Variants in ODF2L observed in about 807,000 individuals in gnomAD.
The protein encoded by ODF2L is outer dense fiber of sperm tails 2 like.
A neutral mutation model predicts 86.3 loss-of-function variants in ODF2L; 76 were observed. The ratio of observed to expected loss-of-function variants is 0.88; its 90% CI spans 0.73 to 1.07. The LOEUF (loss-of-function observed/expected upper bound fraction) is 1.07, where lower values mean the gene tolerates loss of function less well. ODF2L is among the 50% of genes least tolerant of loss of function. ODF2L has a pLI of 0.00. For synonymous variants in ODF2L, 241 were observed against 231.3 expected (o/e 1.04, Z -0.38); for missense variants, 748 against 717.4 (o/e 1.04, Z -0.49).
intron 14 of ODF2L, among the ~76,000 whole-genome samples, chr1:86,355,724 T>C (rs1359987145): frequency 6.6e-6 from 1 of 152,136 alleles, no homozygotes; most frequent in Non-Finnish European, 1.5e-5. Context: ...GTTGTTCTTC[T>C]CCATGTGTCC....
intron 1 of ODF2L, among the ~76,000 whole-genome samples, chr1:86,394,480 C>A (rs920826408): frequency 6.7e-6 from 1 of 150,140 alleles, no homozygotes; most frequent in African/African-American, 2.4e-5. Flanking sequence ...AAGTAACACA[C>A]AAACTTGCCT....
chr1:86,382,619 A>G (rs1660665065), intron 6 of ODF2L, among the ~76,000 whole-genome samples: 2 of 152,018 alleles, frequency 1.3e-5, no homozygotes, highest in Admixed American at 1.3e-4. Flanking sequence ...GTATGGGTAT[A>G]CCTAAAATGC....
At chr1:86,357,990 C>T (rs1276717406) in intron 13 of ODF2L, 1 of 985,242 alleles carries the variant, frequency 1.0e-6, no homozygotes, top group Non-Finnish European at 1.2e-6. Context: ...AAAAGTAATT[C>T]CATGAAAGCA....
chr1:86,351,448 C>T (rs1164387756), exon 18 of ODF2L: 1 of 152,124 alleles, frequency 6.6e-6, no homozygotes, highest in Non-Finnish European at 1.5e-5. Flanking sequence ...TTCCATTGGT[C>T]TATATATCTG....
At chr1:86,377,375 T>C (rs879902394) in intron 7 of ODF2L, among the ~76,000 whole-genome samples, 10 of 152,156 alleles carry the variant, frequency 6.6e-5, no homozygotes, top group African/African-American at 1.2e-4. Flanking sequence ...TCCAGGCACA[T>C]GGTGCAAGCT....
At chr1:86,391,548 C>G (rs1295588941) in intron 1 of ODF2L, among the ~76,000 whole-genome samples, 3 of 152,130 alleles carry the variant, frequency 2.0e-5, no homozygotes, top group Non-Finnish European at 4.4e-5. Context: ...TGATATTTGA[C>G]AAAGCAAGCA....
intron 7 of ODF2L, among the ~76,000 whole-genome samples, chr1:86,379,505 T>C (rs981895784): frequency 6.6e-6 from 1 of 152,100 alleles, no homozygotes; most frequent in South Asian, 2.1e-4. Flanking sequence ...TAAAAAAACA[T>C]AATTGAGCTA....
At chr1:86,362,893 A>G (rs1037077244) in intron 11 of ODF2L, among the ~76,000 whole-genome samples, 7 of 152,128 alleles carry the variant, frequency 4.6e-5, no homozygotes, top group Non-Finnish European at 1.0e-4. Context: ...ACTGAGCTCA[A>G]GTGATCCTCC....
At chr1:86,376,316 T>C (rs765676968) in exon 8 of ODF2L, 5 of 1,612,580 alleles carry the variant, frequency 3.1e-6, no homozygotes, top group Non-Finnish European at 1.7e-6. Context: ...GATGCCTTTT[T>C]TAAAGCTACA....
At chr1:86,356,032 G>GAAA (rs1352583784) in intron 14 of ODF2L, 2 of 230,850 alleles carry the variant, frequency 8.7e-6, no homozygotes, top group African/African-American at 4.7e-5. Flanking sequence ...AGTAAAACAG[G>GAAA]AAAAAGAAAC....
At chr1:86,363,057 T>G (rs542491003) in intron 11 of ODF2L, among the ~76,000 whole-genome samples, 1 of 152,118 alleles carries the variant, frequency 6.6e-6, no homozygotes, top group South Asian at 2.1e-4. Flanking sequence ...ACAGTAACGA[T>G]GAGAGATGAT....
chr1:86,382,501 C>T (rs1242030692), intron 6 of ODF2L, 143 bp from the exon 7 acceptor site: 3 of 1,368,014 alleles, frequency 2.2e-6, no homozygotes, highest in Non-Finnish European at 2.9e-6. Flanking sequence ...AACTGCCGCC[C>T]CTATTACAAA....
rs1349634006 is a variant in ODF2L at position 86,358,096 on chromosome 1, C to T, written c.1359+691G>A. ...TCTTCACATTATTGCCTTGCTCTGA[C>T]TTCTCAATCCTAAGATAGGGAGCAA... is the stretch of plus-strand genomic sequence containing the variant. On this transcript the variant is annotated intron_variant, in intron 13 of 17. Transcript: ENST00000317336. 3.1e-5 allele frequency: 31 copies of T among 985,462 alleles called. No individual in the cohort carries two copies. In the South Asian group the frequency reaches 7.5e-4, roughly 24 times the overall value. 61.0% of individuals were successfully genotyped at this position (985,462 alleles called of 1,614,324 possible). A position where few individuals can be genotyped will look rare whatever the true frequency, so the allele number is the denominator to read the frequency against.
intron 7 of ODF2L, among the ~76,000 whole-genome samples, chr1:86,381,153 T>C (rs1178303097): frequency 2.0e-5 from 3 of 152,158 alleles, no homozygotes; most frequent in African/African-American, 7.2e-5. Context: ...AGAATTTGAA[T>C]TCAAATTATA....
chr1:86,389,176 G>A (rs1334139), intron 1 of ODF2L, among the ~76,000 whole-genome samples: 5,796 of 152,216 alleles, frequency 0.038, 178 homozygotes, highest in African/African-American at 0.08. Flanking sequence ...GTATAGAAAA[G>A]CAGACATTTC....
At chr1:86,352,615 A>G (rs1658220395) in intron 17 of ODF2L, among the ~76,000 whole-genome samples, 2 of 152,174 alleles carry the variant, frequency 1.3e-5, no homozygotes, top group Admixed American at 6.5e-5. Context: ...TGTCATTGCA[A>G]AAGTAATATG....
At chr1:86,348,698 A>G (rs1424247320), downstream of ODF2L, 2 of 1,339,466 alleles carry the variant, frequency 1.5e-6, no homozygotes, top group East Asian at 5.9e-5. Flanking sequence ...ACCCAATCAC[A>G]TTTTAGACTC....
At position 86,352,857 on chromosome 1, in the gene ODF2L, A is replaced by G. The variant is rs767959964; in HGVS notation, c.1893+2T>C. 2.3e-5 allele frequency: 35 copies of G among 1,508,700 alleles called. No homozygotes were observed. Among genetic ancestry groups the G allele is most frequent in the Non-Finnish European group, 3.0e-5 (33 of 1,095,998 alleles). 93.5% of individuals were successfully genotyped at this position (1,508,700 alleles called of 1,614,324 possible). A position where few individuals can be genotyped will look rare whatever the true frequency, so the allele number is the denominator to read the frequency against. On this transcript the variant is annotated splice_donor_variant, in intron 17 of 17. Transcript: ENST00000317336. LOFTEE classifies it high-confidence loss of function. ...AATATGTTAAGCCATGCTAATACTTACACTGTTCATTTTGCAAACAAGTTG... is the reference window on the plus strand; with the variant it reads ...AATATGTTAAGCCATGCTAATACTTGCACTGTTCATTTTGCAAACAAGTTG...
At chr1:86,382,000 G>C (rs776048427) in intron 7 of ODF2L, 9 of 327,974 alleles carry the variant, frequency 2.7e-5, no homozygotes, top group Non-Finnish European at 4.5e-5. Context: ...GATTTTTAAA[G>C]TAATTCAATT....
Sources: gnomAD v4.1 joint callset for allele counts (sites outside exome capture counted in the v4.1 genomes callset) on GRCh38, gnomAD v4.1.1 for gene constraint, MANE v1.5 for transcripts, NCBI Gene and HGNC (gene_info 2026-07-23, HGNC 2026-07-21) for gene names.